The following PUF60 variants were observed in gnomAD, a reference collection of about 807,000 sequenced individuals.
PUF60 encodes poly(U) binding splicing factor 60, also known as poly(U)-binding-splicing factor PUF60.
PUF60 carries 10 observed loss-of-function variants against 61.8 expected under a neutral mutation model. That is an observed-to-expected ratio of 0.16 (90% CI 0.10 to 0.27). The LOEUF (loss-of-function observed/expected upper bound fraction) is 0.27, where lower values mean the gene tolerates loss of function less well. Ranked by LOEUF, PUF60 falls within the 10% of genes least tolerant of loss-of-function variation. The pLI is 1.00. For missense variants in PUF60, 371 were observed against 754.0 expected (o/e 0.49, Z 5.95); for synonymous variants, 353 against 300.9 (o/e 1.17, Z -1.79).
intron 2 of PUF60, among the ~76,000 whole-genome samples, chr8:143,824,008 C>A (rs574470205): frequency 2.6e-5 from 4 of 152,264 alleles, no homozygotes; most frequent in Admixed American, 1.3e-4. Flanking sequence ...TAAGAACGCG[C>A]GAGCTCCAGG....
At chr8:143,820,412 G>A (rs1273593596) in intron 5 of PUF60, 5 of 558,514 alleles carry the variant, frequency 9.0e-6, no homozygotes, top group South Asian at 4.1e-5. Flanking sequence ...CGCCCTGGCC[G>A]GCTGCCCTCC....
At chr8:143,829,154 C>T in intron 1 of PUF60, 126 bp downstream of exon 1, 2 of 1,214,296 alleles carry the variant, frequency 1.6e-6, no homozygotes, top group South Asian at 8.3e-5. Flanking sequence ...CCCGGGGACA[C>T]GAGGGAGTCC....
intron 1 of PUF60, among the ~76,000 whole-genome samples, chr8:143,828,345 G>A (rs1340355342): frequency 6.6e-6 from 1 of 152,246 alleles, no homozygotes. Context: ...GTGGGCTGGG[G>A]GAAGGGTGAC....
At chr8:143,820,514 G>T in intron 5 of PUF60, 152 bp downstream of exon 5, 1 of 882,718 alleles carries the variant, frequency 1.1e-6, no homozygotes, top group Non-Finnish European at 1.8e-6. Flanking sequence ...CACACCACTG[G>T]CCCCACCACG....
Position 143,816,955 on chromosome 8 carries a change from A to G in PUF60, c.1335T>C (p.Ser445=), listed in dbSNP as rs1313814192. The G allele has an allele frequency of 1.3e-6, 2 of 1,596,826 alleles. No homozygotes were observed. Among genetic ancestry groups the G allele is most frequent in the South Asian group, 1.1e-5 (1 of 89,120 alleles). The change falls in exon 11 of 12, where the codon AGT becomes AGC. Residue 445 remains serine (S), a synonymous_variant. Transcript: ENST00000526683. ...TCTGCATCACCATGTGTCGGGCGCT[A>G]CTGCCCGAGATGCTCATGTGCTCCT... ...SEQEHMSISG[S]SARHMVMQKL...
chr8:143,818,687 G>T lies in PUF60; in HGVS notation c.349-153C>A. The T allele has an allele frequency of 2.4e-6, 2 of 838,314 alleles. No individual in the cohort carries two copies. Among genetic ancestry groups the T allele is most frequent in the Non-Finnish European group, 3.6e-6 (2 of 557,472 alleles). 51.9% of individuals were successfully genotyped at this position (838,314 alleles called of 1,614,324 possible). A position where few individuals can be genotyped will look rare whatever the true frequency, so the allele number is the denominator to read the frequency against. On this transcript the variant is annotated intron_variant, in intron 5 of 11. Transcript: ENST00000526683. The surrounding 1 kb of genome is among the most constrained non-coding windows in gnomAD (Gnocchi z 7.9). The stretch of plus-strand genomic sequence containing the variant: ...TGCGGGCTCCATCCCTGCAGTCATA[G>T]TGTGGGGGTCGCAGGACCCCGCCAC...
rs4875062 is a variant in PUF60 at position 143,820,373 on chromosome 8, C to G, written c.348+293G>C. The G allele has an allele frequency of 5.8e-6, 3 of 513,116 alleles. No homozygotes were observed. The African/African-American group carries it at 5.9e-5, about 10-fold the overall frequency. 31.8% of individuals were successfully genotyped at this position (513,116 alleles called of 1,614,324 possible). On this transcript the variant is annotated intron_variant, in intron 5 of 11. Coordinates refer to ENST00000526683, the MANE Select transcript of PUF60 (RefSeq NM_078480.3). The stretch of plus-strand genomic sequence containing the variant: ...ACCCCGTGCGTGCAGGTGGCGTGGG[C>G]GCAGACGGGCCTGGTGCTGGCAGCT...
Position 143,816,387 on chromosome 8 carries a change from G to T in PUF60, c.*133C>A. 2 of 1,018,636 alleles carry T rather than the reference G, an allele frequency of 2.0e-6. No individual in the cohort carries two copies. Among genetic ancestry groups the T allele is most frequent in the Non-Finnish European group, 2.8e-6 (2 of 715,794 alleles). The allele number at this position is 1,018,636 out of a possible 1,614,324, so 63.1% of individuals were successfully genotyped here. A position where few individuals can be genotyped will look rare whatever the true frequency, so the allele number is the denominator to read the frequency against. On this transcript the variant is annotated 3_prime_UTR_variant, in exon 12 of 12. Transcript: ENST00000526683. Reference sequence around the variant, plus strand: ...GCAGACACACGGACGTTCAGGGCCAGCAGCATCCGCACCTTTATCCGCACT... The same window carrying T: ...GCAGACACACGGACGTTCAGGGCCATCAGCATCCGCACCTTTATCCGCACT...
chr8:143,824,533 A>T (rs1404748059), intron 1 of PUF60, 134 bp from the exon 2 acceptor site: 35 of 863,696 alleles, frequency 4.1e-5, no homozygotes, highest in Non-Finnish European at 6.2e-5. Context: ...TCCCGACATG[A>T]CCCCCCAGCC....
chr8:143,828,180 G>A (rs1319558947), intron 1 of PUF60, among the ~76,000 whole-genome samples: 1 of 152,226 alleles, frequency 6.6e-6, no homozygotes, highest in Non-Finnish European at 1.5e-5. Flanking sequence ...TCTCCCCCTA[G>A]TAACTGGTTT....
At position 143,816,921 on chromosome 8, in the gene PUF60, G is replaced by C; in HGVS notation, c.1369C>G (p.Arg457Gly). 1 of 1,576,790 alleles carries C rather than the reference G, an allele frequency of 6.3e-7. No homozygotes were observed. Among genetic ancestry groups the C allele is most frequent in the Non-Finnish European group, 8.6e-7 (1 of 1,160,880 alleles). Residue 457 changes from arginine (R) to glycine (G), a missense_variant, in exon 11 of 12, where the codon CGC becomes GGC. By Grantham distance (125) the Arg-to-Gly change is moderately radical (BLOSUM62 -2). Around this residue, in one of 13 missense-constraint regions of PUF60, gnomAD observed 38 missense variants for 112.9 expected, o/e 0.34. Coordinates refer to ENST00000526683, the MANE Select transcript of PUF60 (RefSeq NM_078480.3). ...ARHMVMQKLL[R>G]KQESTVMVLR... ...GCCCCTCTGCCTACCTCCTGCTTGC[G>C]GAGCAGCTTCTGCATCACCATGTGT...
chr8:143,823,689 G>A (rs989328857), intron 2 of PUF60, among the ~76,000 whole-genome samples: 2 of 151,774 alleles, frequency 1.3e-5, no homozygotes, highest in Admixed American at 6.5e-5. Flanking sequence ...GGAGGCGGGC[G>A]CTACCATGGA....
chr8:143,821,233 C>T (rs561293662), intron 4 of PUF60: 34 of 456,858 alleles, frequency 7.4e-5, no homozygotes, highest in African/African-American at 2.6e-4. Context: ...ATCCAGGCCA[C>T]GGGGGCAGGG....
rs763065365 is a variant in PUF60, at chr8:143,818,213, G to A, written c.583C>T (p.Leu195=). 46 of 1,611,136 alleles carry A rather than the reference G, an allele frequency of 2.9e-5. No individual in the cohort carries two copies. In the Admixed American group the frequency reaches 3.0e-4, roughly 11 times the overall value. ...LALEQMNSVM[L]GGRNIKVGRP... ...CTCACCTTGATGTTCCTGCCCCCCA[G>A]CATCACCGAGTTCATCTGCTCCAAG... is the stretch of plus-strand genomic sequence containing the variant. Residue 195 remains leucine, a synonymous_variant, in exon 7 of 12, where the codon CTG becomes TTG. Coordinates refer to ENST00000526683, the MANE Select transcript of PUF60 (RefSeq NM_078480.3). This position sits in a 1 kb window ranked among gnomAD's most constrained non-coding sequence, Gnocchi z 7.9.
chr8:143,823,927 G>C (rs962012970), intron 2 of PUF60, among the ~76,000 whole-genome samples: 1 of 152,284 alleles, frequency 6.6e-6, no homozygotes, highest in Non-Finnish European at 1.5e-5. Flanking sequence ...AATGAAATCT[G>C]TCCTTCTGGC....
chr8:143,828,451 G>C (rs1674752239), intron 1 of PUF60, among the ~76,000 whole-genome samples: 1 of 152,262 alleles, frequency 6.6e-6, no homozygotes, highest in Non-Finnish European at 1.5e-5. Context: ...ACTTCATCGT[G>C]CATGTGTTGT....
chr8:143,824,347 ACTGCCGCCGCCGCCG>A lies in PUF60; in HGVS notation c.62_76del (p.Ala21_Ala25del). The A allele has an allele frequency of 1.2e-6, 2 of 1,612,418 alleles. No homozygotes were observed. The highest frequency in any genetic ancestry group is 1.3e-5 in the African/African-American group (1 of 74,992). The stretch of plus-strand genomic sequence containing the variant: ...TTTCCATTTGTCTCCCGCTGCCACC[ACTGCCGCCGCCGCCG>A]CCGGCTCGGACCCCCCTCCTTGCTG... On this transcript the variant is annotated inframe_deletion, in exon 2 of 12. Coordinates refer to ENST00000526683, the MANE Select transcript of PUF60 (RefSeq NM_078480.3).
rs1383711645 is a variant in PUF60, at chr8:143,817,193, T to C, written c.1145-48A>G. 5 of 1,533,408 alleles carry C rather than the reference T, an allele frequency of 3.3e-6. No homozygotes were observed. Among genetic ancestry groups the C allele is most frequent in the African/African-American group, 2.7e-5 (2 of 73,164 alleles). The allele number at this position is 1,533,408 out of a possible 1,614,324, so 95.0% of individuals were successfully genotyped here. Reference sequence around the variant, plus strand: ...CATCAGTCACTCCCTACCACCCCCCTTCCCAGAAAGGCACAGAGCTGGCCT... The same window carrying C: ...CATCAGTCACTCCCTACCACCCCCCCTCCCAGAAAGGCACAGAGCTGGCCT... On this transcript the variant is annotated intron_variant, in intron 10 of 11. Coordinates refer to ENST00000526683, the MANE Select transcript of PUF60 (RefSeq NM_078480.3). This position sits in a 1 kb window ranked among gnomAD's most constrained non-coding sequence, Gnocchi z 7.4.
At chr8:143,823,421 T>C (rs973274892) in intron 2 of PUF60, 8 of 152,502 alleles carry the variant, frequency 5.2e-5, no homozygotes, top group African/African-American at 1.4e-4. Flanking sequence ...ACCATGGTAA[T>C]CAATGCCAAC....
Sources: allele counts gnomAD v4.1 joint callset (sites outside exome capture counted in the v4.1 genomes callset), GRCh38; gene constraint gnomAD v4.1.1; regional missense constraint gnomAD v4.1.1; non-coding constraint Gnocchi (gnomAD v3.1); transcripts MANE v1.5; gene names NCBI Gene and HGNC (gene_info 2026-07-23, HGNC 2026-07-21).